RBFOX1: variants seen among roughly 807,000 people sequenced by gnomAD.
The protein encoded by RBFOX1 is RNA binding protein fox-1 homolog 1.
RBFOX1 carries 8 observed loss-of-function variants against 57.7 expected under a neutral mutation model. The observed-to-expected ratio is 0.14, with a 90% CI of 0.08 to 0.25. The LOEUF is 0.25. Among genes scored for constraint, RBFOX1 ranks in the 10% least tolerant of loss-of-function variants. The pLI, the probability that RBFOX1 is intolerant of heterozygous loss-of-function variation, is 1.00. For missense variants in RBFOX1, 611 were observed against 548.5 expected (o/e 1.11, Z -1.14); for synonymous variants, 326 against 222.4 (o/e 1.47, Z -4.15).
At chr16:7,024,491 A>G (rs988376391) in intron 3 of RBFOX1, among the ~76,000 whole-genome samples, 1 of 152,218 alleles carries the variant, frequency 6.6e-6, no homozygotes, top group Non-Finnish European at 1.5e-5. Flanking sequence ...CTTCTTAATA[A>G]TAAGCAGTAG....
chr16:6,718,997 C>T (rs12599604), intron 3 of RBFOX1, among the ~76,000 whole-genome samples: 11,683 of 151,946 alleles, frequency 0.077, 598 homozygotes, highest in East Asian at 0.29. Context: ...CAAGTAGCTT[C>T]TGGGACTACA....
At chr16:6,233,553 A>G (rs1244990777) in intron 1 of RBFOX1, among the ~76,000 whole-genome samples, 1 of 152,074 alleles carries the variant, frequency 6.6e-6, no homozygotes, top group African/African-American at 2.4e-5. Flanking sequence ...GTCTTGCAAG[A>G]TTTAAATGTC....
At chr16:5,883,506 C>T (rs544938681) in intron 4 of RBFOX1, among the ~76,000 whole-genome samples, 11 of 121,682 alleles carry the variant, frequency 9.0e-5, no homozygotes, top group Admixed American at 8.6e-4. Flanking sequence ...ACCTGCAATC[C>T]CAGATACGGG....
At chr16:6,011,164 G>A (rs985305852) in intron 4 of RBFOX1, among the ~76,000 whole-genome samples, 9 of 152,072 alleles carry the variant, frequency 5.9e-5, no homozygotes, top group Non-Finnish European at 1.0e-4. Flanking sequence ...GAACATTTTC[G>A]CCCCTGAGGT....
chr16:6,399,202 C>T (rs1413502692), intron 2 of RBFOX1, among the ~76,000 whole-genome samples: 3 of 152,242 alleles, frequency 2.0e-5, no homozygotes, highest in African/African-American at 2.4e-5. Context: ...CAGCACAGAG[C>T]AGGGTGGCCC....
chr16:6,776,312 G>A (rs942388904), intron 3 of RBFOX1, among the ~76,000 whole-genome samples: 1 of 152,128 alleles, frequency 6.6e-6, no homozygotes, highest in Admixed American at 6.5e-5. Context: ...TCGGGGGGCT[G>A]AGGCAGGAGA....
At position 5,393,584 on chromosome 16, in the gene RBFOX1, C is replaced by G. The variant is rs528005973; in HGVS notation, c.220-73632C>G. Reference sequence around the variant, plus strand: ...CTCAATGGCTTCTCTCAGCATGGAGCAGACCAGGGCCTGGTGTTGGGATGA... The same window carrying G: ...CTCAATGGCTTCTCTCAGCATGGAGGAGACCAGGGCCTGGTGTTGGGATGA... On this transcript the variant is annotated intron_variant, in intron 1 of 2. Coordinates refer to the RBFOX1 transcript ENST00000585867. Among the ~76,000 whole-genome samples, 197 of 152,292 alleles carry G rather than the reference C, an allele frequency of 1.3e-3. 1 individual carries two copies. Among genetic ancestry groups the G allele is most frequent in the African/African-American group, 4.5e-3 (186 of 41,542 alleles).
intron 3 of RBFOX1, among the ~76,000 whole-genome samples, chr16:5,723,173 C>G (rs890738222): frequency 1.3e-5 from 2 of 152,170 alleles, no homozygotes; most frequent in Non-Finnish European, 2.9e-5. Context: ...GTGTATGCAT[C>G]TGTAACATGG....
At chr16:6,579,897 T>C (rs1209045840) in intron 2 of RBFOX1, among the ~76,000 whole-genome samples, 3 of 152,126 alleles carry the variant, frequency 2.0e-5, no homozygotes, top group Admixed American at 1.3e-4. Context: ...TCAGTCCTTT[T>C]TAAAGTGGTA....
chr16:7,248,500 G>C (rs2094394598), intron 4 of RBFOX1, among the ~76,000 whole-genome samples: 1 of 152,178 alleles, frequency 6.6e-6, no homozygotes, highest in Admixed American at 6.5e-5. Context: ...TGCTGGCTTA[G>C]CTGAATTAGG....
At chr16:5,626,968 T>C (rs962746505) in intron 3 of RBFOX1, among the ~76,000 whole-genome samples, 1 of 152,224 alleles carries the variant, frequency 6.6e-6, no homozygotes, top group Non-Finnish European at 1.5e-5. Context: ...TTCAGATAAA[T>C]CAGCTTCCTT....
chr16:7,524,803 G>A (rs918969539), intron 5 of RBFOX1, among the ~76,000 whole-genome samples: 3 of 152,158 alleles, frequency 2.0e-5, no homozygotes, highest in African/African-American at 2.4e-5. Context: ...GGTTGGTGAT[G>A]GTGTCCTGTT....
At chr16:5,468,765 T>C (rs1473954987) in intron 2 of RBFOX1, among the ~76,000 whole-genome samples, 1 of 152,248 alleles carries the variant, frequency 6.6e-6, no homozygotes, top group East Asian at 1.9e-4. Context: ...CATTATGCTG[T>C]GTAGCTCCCT....
chr16:7,109,993 C>G (rs768728363), intron 4 of RBFOX1, among the ~76,000 whole-genome samples: 1 of 151,998 alleles, frequency 6.6e-6, no homozygotes, highest in Non-Finnish European at 1.5e-5. Flanking sequence ...AACAAACAAG[C>G]CTGATTATCT....
At chr16:5,392,694 T>G (rs967795412) in intron 1 of RBFOX1, among the ~76,000 whole-genome samples, 7 of 152,208 alleles carry the variant, frequency 4.6e-5, no homozygotes, top group Middle Eastern at 3.4e-3. Flanking sequence ...AACCTAGATG[T>G]ATCGTACCTT....
At chr16:6,890,720 G>A (rs907074895) in intron 3 of RBFOX1, among the ~76,000 whole-genome samples, 5 of 152,174 alleles carry the variant, frequency 3.3e-5, no homozygotes, top group Non-Finnish European at 5.9e-5. Flanking sequence ...CATATTCCAA[G>A]TGGAGAAGAA....
chr16:6,275,622 T>A (rs1446279208), intron 1 of RBFOX1, among the ~76,000 whole-genome samples: 1 of 152,214 alleles, frequency 6.6e-6, no homozygotes, highest in East Asian at 1.9e-4. Flanking sequence ...AGTCTATATT[T>A]ATTTCCATTG....
At chr16:6,717,531 G>A (rs539018990) in intron 3 of RBFOX1, among the ~76,000 whole-genome samples, 5 of 151,860 alleles carry the variant, frequency 3.3e-5, no homozygotes, top group African/African-American at 9.6e-5. Flanking sequence ...CAAAAATTGT[G>A]CATAGTCAAC....
chr16:5,956,824 C>A (rs377492244), intron 4 of RBFOX1, among the ~76,000 whole-genome samples: 115 of 149,860 alleles, frequency 7.7e-4, no homozygotes, highest in African/African-American at 2.7e-3. Flanking sequence ...CATGCACCAC[C>A]ATGCCTGGCT....
Sources: gnomAD v4.1 joint callset for allele counts (sites outside exome capture counted in the v4.1 genomes callset) on GRCh38, gnomAD v4.1.1 for gene constraint, MANE v1.5 for transcripts, NCBI Gene and HGNC (gene_info 2026-07-23, HGNC 2026-07-21) for gene names.